The following MRPS28 variants were observed in gnomAD, a reference collection of about 807,000 sequenced individuals.
MRPS28 encodes the protein mitochondrial ribosomal protein S28.
A neutral mutation model predicts 10.8 loss-of-function variants in MRPS28; 7 were observed. The ratio of observed to expected loss-of-function variants is 0.65; its 90% CI spans 0.37 to 1.22. The LOEUF is 1.22. Ranked by LOEUF, MRPS28 falls within the 50% of genes most tolerant of loss-of-function variation. MRPS28 has a pLI of 0.02. For missense variants in MRPS28, 265 were observed against 232.9 expected (o/e 1.14, Z -0.90); for synonymous variants, 121 against 93.3 (o/e 1.30, Z -1.71).
At position 79,936,050 on chromosome 8, in the gene MRPS28, T is replaced by TA. The variant is rs1320974001; in HGVS notation, c.396-16903dup. On this transcript the variant is annotated intron_variant, in intron 2 of 2. Transcript: ENST00000276585. ...TTAATATTAAATATAATATTAATTA[T>TA]AAAAAAATTAGAGGGGCCAGGTGTG... 4.0e-5 allele frequency among the ~76,000 whole-genome samples: 6 copies of TA among 151,678 alleles called. No homozygotes were observed. In the South Asian group the frequency reaches 1.2e-3, roughly 31 times the overall value.
intron 2 of MRPS28, among the ~76,000 whole-genome samples, chr8:79,986,777 G>T (rs1475104406): frequency 6.6e-6 from 1 of 151,640 alleles, no homozygotes; most frequent in Non-Finnish European, 1.5e-5. Flanking sequence ...AATAAAAGAG[G>T]ATACAAACAA....
rs78308259 is a variant in MRPS28 at position 80,030,106 on chromosome 8, C to G, written c.143G>C (p.Arg48Pro). The change falls in exon 1 of 3, where the codon CGC becomes CCC. Residue 48 changes from arginine to proline, a missense_variant. Coordinates refer to ENST00000276585, the MANE Select transcript of MRPS28 (RefSeq NM_014018.3). ...GSSNAKEPKT[R>P]AGGFASALER... Reference sequence around the variant, plus strand: ...CAACGCGCTCGCGAAACCGCCTGCGCGCGTCTTAGGCTCCTTGGCATTGGA... The same window carrying G: ...CAACGCGCTCGCGAAACCGCCTGCGGGCGTCTTAGGCTCCTTGGCATTGGA... 14,946 of 1,611,986 alleles carry G rather than the reference C, an allele frequency of 9.3e-3. 114 individuals are homozygous for G. Among genetic ancestry groups the G allele is most frequent in the Middle Eastern group, 0.017 (100 of 6,060 alleles).
intron 1 of MRPS28, among the ~76,000 whole-genome samples, chr8:80,006,846 G>A (rs1309229944): frequency 6.6e-6 from 1 of 152,138 alleles, no homozygotes; most frequent in Non-Finnish European, 1.5e-5. Flanking sequence ...AGAGGTACAA[G>A]GAGGAGCTGG....
intron 2 of MRPS28, among the ~76,000 whole-genome samples, chr8:79,946,842 A>G (rs183820223): frequency 7.7e-4 from 117 of 152,326 alleles, no homozygotes; most frequent in African/African-American, 2.4e-3. Context: ...TTGCAATTTA[A>G]GATTTCAGAA....
chr8:80,004,275 C>T (rs2130167909), intron 1 of MRPS28, among the ~76,000 whole-genome samples: 1 of 152,298 alleles, frequency 6.6e-6, no homozygotes, highest in East Asian at 1.9e-4. Context: ...CCGGGTACCC[C>T]TCTGAGACGA....
At chr8:80,013,069 G>T (rs1809096068) in intron 1 of MRPS28, among the ~76,000 whole-genome samples, 1 of 151,788 alleles carries the variant, frequency 6.6e-6, no homozygotes, top group Non-Finnish European at 1.5e-5. Flanking sequence ...AAACTTAAAA[G>T]AAAACAGTAC....
At chr8:79,935,443 A>G (rs1041682972) in intron 2 of MRPS28, among the ~76,000 whole-genome samples, 3 of 150,950 alleles carry the variant, frequency 2.0e-5, no homozygotes, top group African/African-American at 7.3e-5. Context: ...CTTCCCTTTT[A>G]TTTGTTTGTT....
At chr8:79,993,643 C>G (rs1808422443) in intron 2 of MRPS28, among the ~76,000 whole-genome samples, 1 of 152,116 alleles carries the variant, frequency 6.6e-6, no homozygotes, top group Non-Finnish European at 1.5e-5. Context: ...GGATGCTCTT[C>G]TATCCTAAAA....
rs533646902 is a variant in MRPS28 at position 79,933,006 on chromosome 8, G to A, written c.396-13858C>T. On this transcript the variant is annotated intron_variant, in intron 2 of 2. Transcript: ENST00000276585. ...CTTGGCAGGATTGTATTCTTATGAA[G>A]GCAGAAAGCAGCTGACAAAGTTTTC... Among the ~76,000 whole-genome samples the A allele has an allele frequency of 4.6e-5, 7 of 152,338 alleles. No homozygotes were observed. In the South Asian group the frequency reaches 1.5e-3, roughly 32 times the overall value.
intron 1 of MRPS28, 57 bp downstream of exon 1, chr8:80,029,979 G>T: frequency 6.3e-7 from 1 of 1,580,432 alleles, no homozygotes. Flanking sequence ...TCCCGACCCC[G>T]CCCACCGCGT....
rs549610098 is a variant in MRPS28 at position 79,977,272 on chromosome 8, T to TA, written c.395+25726dup. On this transcript the variant is annotated intron_variant, in intron 2 of 2. Transcript: ENST00000276585. Reference sequence around the variant, plus strand: ...ATGAGTATTTTAAAATTTAAATACTTAGAGAATTTCCCACAGCTTCTTTAT... The same window carrying TA: ...ATGAGTATTTTAAAATTTAAATACTTAAGAGAATTTCCCACAGCTTCTTTAT... Among the ~76,000 whole-genome samples, 440 of 152,264 alleles carry TA rather than the reference T, an allele frequency of 2.9e-3. 1 individual carries two copies. Among genetic ancestry groups the TA allele is most frequent in the Middle Eastern group, 0.017 (5 of 294 alleles).
At chr8:80,002,652 G>C (rs1323263717) in intron 2 of MRPS28, among the ~76,000 whole-genome samples, 2 of 152,198 alleles carry the variant, frequency 1.3e-5, no homozygotes, top group Non-Finnish European at 1.5e-5. Flanking sequence ...AGTGGAAAGA[G>C]ACTATGGAAC....
In MRPS28 at chr8:79,967,132, A is replaced by T. The variant is rs149670033; in HGVS notation, c.395+35867T>A. 1.4e-3 allele frequency among the ~76,000 whole-genome samples: 206 copies of T among 152,300 alleles called. 2 individuals carry two copies. Among genetic ancestry groups the T allele is most frequent in the African/African-American group, 4.9e-3 (202 of 41,576 alleles). ...TATCTTTTGACAACAGGCAAGAAAG[A>T]GAATGAGAGCAGGAAGTATTAGTGT... On this transcript the variant is annotated intron_variant, in intron 2 of 2. Transcript: ENST00000276585.
rs190459964 is a variant in MRPS28 at position 80,014,156 on chromosome 8, G to C, written c.214-10976C>G. On this transcript the variant is annotated intron_variant, in intron 1 of 2. Coordinates refer to ENST00000276585, the MANE Select transcript of MRPS28 (RefSeq NM_014018.3). ...AAAGGTATGGAGCTCAGTCATGCCA[G>C]GCTGCAGTGAGAAGACAAGCTGAAA... 4.6e-3 allele frequency among the ~76,000 whole-genome samples: 705 copies of C among 152,238 alleles called. 32 individuals carry two copies. Among genetic ancestry groups the C allele is most frequent in the Admixed American group, 0.042 (637 of 15,294 alleles).
At chr8:79,940,696 CT>C (rs772428885) in intron 2 of MRPS28, among the ~76,000 whole-genome samples, 1 of 152,180 alleles carries the variant, frequency 6.6e-6, no homozygotes, top group Non-Finnish European at 1.5e-5. Flanking sequence ...TCAAAGCCAA[CT>C]TTTCCAAACA....
chr8:79,921,536 T>G (rs1033290107), intron 2 of MRPS28, among the ~76,000 whole-genome samples: 13 of 151,716 alleles, frequency 8.6e-5, no homozygotes, highest in Admixed American at 2.6e-4. Context: ...CTAGGTATTT[T>G]ATTCTCTTTG....
At chr8:79,954,765 C>T (rs1461009633) in intron 2 of MRPS28, among the ~76,000 whole-genome samples, 2 of 152,158 alleles carry the variant, frequency 1.3e-5, no homozygotes, top group African/African-American at 4.8e-5. Flanking sequence ...CAAAGCCACA[C>T]CTACAAATCT....
chr8:79,934,497 A>G (rs1262714527), intron 2 of MRPS28, among the ~76,000 whole-genome samples: 5 of 152,228 alleles, frequency 3.3e-5, no homozygotes, highest in East Asian at 1.9e-4. Flanking sequence ...TTCAATCCTT[A>G]AAGTTTACAT....
At chr8:79,983,854 G>C (rs1348900260) in intron 2 of MRPS28, among the ~76,000 whole-genome samples, 30 of 152,170 alleles carry the variant, frequency 2.0e-4, no homozygotes, top group Non-Finnish European at 7.4e-5. Flanking sequence ...CACTCTGCAG[G>C]ATATTATTCA....
Sources: allele counts gnomAD v4.1 joint callset (sites outside exome capture counted in the v4.1 genomes callset), GRCh38; gene constraint gnomAD v4.1.1; transcripts MANE v1.5; gene names NCBI Gene and HGNC (gene_info 2026-07-23, HGNC 2026-07-21).